The following CDH13 variants were observed in gnomAD, a reference collection of about 807,000 sequenced individuals.
CDH13 encodes cadherin-13.
A neutral mutation model predicts 63.8 loss-of-function variants in CDH13; 24 were observed. That is an observed-to-expected ratio of 0.38 (90% CI 0.27 to 0.53). The LOEUF (loss-of-function observed/expected upper bound fraction) is 0.53, where lower values mean the gene tolerates loss of function less well. CDH13 is among the 20% of genes least tolerant of loss of function. CDH13 has a pLI of 0.85. For synonymous variants in CDH13, 503 were observed against 355.3 expected (o/e 1.42, Z -4.67); for missense variants, 1,049 against 903.1 (o/e 1.16, Z -2.07).
chr16:82,719,397 C>T, intron 1 of CDH13: 1 of 455,966 alleles, frequency 2.2e-6, no homozygotes, highest in Non-Finnish European at 4.4e-6. Context: ...AGTTCCAGGC[C>T]CTTCCACTGG....
At chr16:82,651,755 T>C (rs148034508) in intron 1 of CDH13, among the ~76,000 whole-genome samples, 204 of 152,360 alleles carry the variant, frequency 1.3e-3, no homozygotes, top group African/African-American at 4.7e-3. Flanking sequence ...TTTTCCCTGC[T>C]ATAAGCATTT....
chr16:82,686,601 G>A (rs561903464), intron 1 of CDH13, among the ~76,000 whole-genome samples: 8 of 152,284 alleles, frequency 5.3e-5, no homozygotes, highest in Admixed American at 1.3e-4. Context: ...TCTGGCCTTC[G>A]GTTTTTCAGC....
intron 6 of CDH13, among the ~76,000 whole-genome samples, chr16:83,383,647 GTCTT>G (rs1215331455): frequency 1.3e-5 from 2 of 152,186 alleles, no homozygotes; most frequent in African/African-American, 4.8e-5. Flanking sequence ...TTCTGTTGCT[GTCTT>G]TCTTTTTTAA....
At chr16:82,887,371 A>G (rs997355251) in intron 2 of CDH13, among the ~76,000 whole-genome samples, 4 of 152,212 alleles carry the variant, frequency 2.6e-5, no homozygotes, top group Admixed American at 2.6e-4. Context: ...ATTTTCATTC[A>G]TTGTTGTTAA....
intron 4 of CDH13, among the ~76,000 whole-genome samples, chr16:83,191,433 C>A (rs1337235267): frequency 1.6e-5 from 2 of 124,596 alleles, no homozygotes; most frequent in Non-Finnish European, 3.3e-5. Flanking sequence ...AGTCGGGGTT[C>A]TTTAGAAGGA....
At chr16:83,156,058 G>C (rs1463989980) in intron 4 of CDH13, among the ~76,000 whole-genome samples, 1 of 152,176 alleles carries the variant, frequency 6.6e-6, no homozygotes, top group African/African-American at 2.4e-5. Context: ...TGGGTCTGAA[G>C]GCTGGGCAGG....
At chr16:82,718,953 G>A (rs572074544) in intron 1 of CDH13, among the ~76,000 whole-genome samples, 3 of 152,298 alleles carry the variant, frequency 2.0e-5, no homozygotes, top group East Asian at 3.9e-4. Flanking sequence ...CATTTGGTGC[G>A]TGTTGGATGC....
At chr16:83,553,377 A>T (rs1480750177) in intron 7 of CDH13, among the ~76,000 whole-genome samples, 1 of 152,220 alleles carries the variant, frequency 6.6e-6, no homozygotes. Context: ...AATCCCATCA[A>T]CCAGAGAAAA....
At chr16:83,502,317 G>A (rs570258355) in intron 7 of CDH13, among the ~76,000 whole-genome samples, 31 of 152,254 alleles carry the variant, frequency 2.0e-4, no homozygotes, top group African/African-American at 7.2e-4. Flanking sequence ...ATGCTCTAGT[G>A]CTGGCTTTGA....
intron 8 of CDH13, among the ~76,000 whole-genome samples, chr16:83,660,644 T>C (rs1393217931): frequency 2.0e-5 from 3 of 152,192 alleles, no homozygotes; most frequent in Non-Finnish European, 2.9e-5. Flanking sequence ...AATTCCCTAC[T>C]CCTTTAAATA....
chr16:83,504,248 G>C (rs1055410249), intron 7 of CDH13, among the ~76,000 whole-genome samples: 12 of 152,124 alleles, frequency 7.9e-5, no homozygotes, highest in African/African-American at 2.9e-4. Flanking sequence ...TGAAGCACAG[G>C]GCACTAGAGA....
At chr16:83,455,692 A>C (rs926155885) in intron 6 of CDH13, among the ~76,000 whole-genome samples, 1 of 152,048 alleles carries the variant, frequency 6.6e-6, no homozygotes, top group African/African-American at 2.4e-5. Flanking sequence ...AGAATCCTAT[A>C]TGTCAGTGGC....
chr16:83,472,996 C>T lies in CDH13; in HGVS notation c.782-13481C>T, dbSNP rs143520603. Among the ~76,000 whole-genome samples the T allele has an allele frequency of 3.1e-3, 469 of 152,284 alleles. 9 individuals carry two copies. The highest frequency in any genetic ancestry group is 0.011 in the African/African-American group (444 of 41,548). ...AATCCTGCCAAATGGAAATGACTCT[C>T]CAGTTCCATGGGGGCACAGGTGGCC... On this transcript the variant is annotated intron_variant, in intron 6 of 13. Coordinates refer to ENST00000567109, the MANE Select transcript of CDH13 (RefSeq NM_001257.5).
At chr16:83,173,525 T>C (rs1203075035) in intron 4 of CDH13, among the ~76,000 whole-genome samples, 1 of 152,058 alleles carries the variant, frequency 6.6e-6, no homozygotes, top group Admixed American at 6.6e-5. Flanking sequence ...CAAGACCCCA[T>C]TATGAAATTT....
At chr16:83,517,920 G>C (rs563757982) in intron 7 of CDH13, among the ~76,000 whole-genome samples, 1 of 152,018 alleles carries the variant, frequency 6.6e-6, no homozygotes, top group Non-Finnish European at 1.5e-5. Context: ...TATTATTATC[G>C]TTCTCATTTT....
chr16:83,104,548 T>C (rs1311371251), intron 3 of CDH13, among the ~76,000 whole-genome samples: 1 of 141,372 alleles, frequency 7.1e-6, no homozygotes, highest in East Asian at 2.1e-4. Context: ...AAAATGTCTT[T>C]AGCAAAAAAG....
At chr16:83,766,964 G>GT (rs1914431330) in intron 11 of CDH13, among the ~76,000 whole-genome samples, 1 of 152,114 alleles carries the variant, frequency 6.6e-6, no homozygotes, top group Non-Finnish European at 1.5e-5. Context: ...TGCCATGATT[G>GT]TAAGTTTCCT....
intron 2 of CDH13, among the ~76,000 whole-genome samples, chr16:82,861,529 C>G (rs150629710): frequency 9.1e-4 from 138 of 152,316 alleles, no homozygotes; most frequent in African/African-American, 3.2e-3. Flanking sequence ...TGGCTTCCTG[C>G]TATCTTTGTT....
chr16:83,678,273 C>A lies in CDH13; in HGVS notation c.1350C>A (p.Leu450=), dbSNP rs370031597. The change falls in exon 10 of 14, where the codon CTC becomes CTA. Residue 450 remains leucine (L), a synonymous_variant. Coordinates refer to ENST00000567109, the MANE Select transcript of CDH13 (RefSeq NM_001257.5). ...LLIKVENEDP[L]VPDVSYGPSS... ...TCAAAGTGGAAAATGAAGACCCACT[C>A]GTACCCGACGTCTCCTACGGCCCCA... is the stretch of plus-strand genomic sequence containing the variant. The A allele has an allele frequency of 1.2e-6, 2 of 1,613,854 alleles. No individual in the cohort carries two copies. Among genetic ancestry groups the A allele is most frequent in the Non-Finnish European group, 8.5e-7 (1 of 1,179,890 alleles).
Sources: allele counts gnomAD v4.1 joint callset (sites outside exome capture counted in the v4.1 genomes callset), GRCh38; gene constraint gnomAD v4.1.1; transcripts MANE v1.5; gene names NCBI Gene and HGNC (gene_info 2026-07-23, HGNC 2026-07-21).